The following NBEAL1 variants were observed in gnomAD, a reference collection of about 807,000 sequenced individuals.
NBEAL1 encodes the protein neurobeachin like 1, also known as neurobeachin-like protein 1.
NBEAL1 carries 273 observed loss-of-function variants against 351.3 expected under a neutral mutation model. The observed-to-expected ratio is 0.78, with a 90% confidence interval of 0.70 to 0.86. The LOEUF (loss-of-function observed/expected upper bound fraction) is 0.86. Ranked by LOEUF, NBEAL1 falls within the 40% of genes least tolerant of loss-of-function variation. The probability of loss-of-function intolerance (pLI) is 0.00; values close to 1 mark genes in which losing one functional copy is unlikely to be tolerated. For missense variants in NBEAL1, 2,961 were observed against 3,201.3 expected (o/e 0.92, Z 1.81); for synonymous variants, 1,050 against 1,086.4 (o/e 0.97, Z 0.66).
chr2:203,108,304 A>C (rs891664072), intron 14 of NBEAL1, 116 bp downstream of exon 14: 12 of 762,914 alleles, frequency 1.6e-5, no homozygotes, highest in Non-Finnish European at 2.3e-5. Flanking sequence ...GCTTATCTAA[A>C]GTCTCTTCAT....
chr2:203,028,819 T>G (rs2060902946), intron 2 of NBEAL1, among the ~76,000 whole-genome samples: 1 of 152,118 alleles, frequency 6.6e-6, no homozygotes, highest in Admixed American at 6.5e-5. Flanking sequence ...TTTTAAAAAT[T>G]TATAAATTGT....
intron 51 of NBEAL1, among the ~76,000 whole-genome samples, chr2:203,207,112 C>T (rs1174601956): frequency 3.3e-5 from 5 of 151,692 alleles, no homozygotes; most frequent in South Asian, 2.1e-4. Context: ...CCGGCCGCCC[C>T]GTCTGAGAAG....
chr2:203,041,919 A>G, intron 3 of NBEAL1, 63 bp downstream of exon 3: 1 of 1,044,360 alleles, frequency 9.6e-7, no homozygotes, highest in Non-Finnish European at 1.5e-6. Flanking sequence ...CAAAGATTTC[A>G]TTGATGACAT....
chr2:203,192,963 C>CTTTTTTTTTTTT (rs71408917), intron 46 of NBEAL1, among the ~76,000 whole-genome samples: 15 of 99,334 alleles, frequency 1.5e-4, no homozygotes, highest in African/African-American at 2.7e-4. Context: ...TTCTTTCTTT[C>CTTTTTTTTTTTT]TTTTTTTTTT....
At chr2:203,141,359 TATTATTA>T (rs1243193011) in intron 31 of NBEAL1, among the ~76,000 whole-genome samples, 38 of 69,342 alleles carry the variant, frequency 5.5e-4, no homozygotes, top group African/African-American at 1.9e-3. Flanking sequence ...TTATTATTAT[TATTATTA>T]TTTTTTTTTT....
intron 7 of NBEAL1, 62 bp from the exon 8 acceptor site, chr2:203,077,690 G>GAGATAAATCATACTGTGAA: frequency 1.0e-6 from 1 of 986,962 alleles, no homozygotes; most frequent in South Asian, 2.6e-5. Flanking sequence ...ACATTCCTTA[G>GAGATAAATCATACTGTGAA]AGATAAATCA....
At chr2:203,205,855 G>A (rs1405446062) in intron 51 of NBEAL1, among the ~76,000 whole-genome samples, 1 of 152,164 alleles carries the variant, frequency 6.6e-6, no homozygotes, top group Admixed American at 6.5e-5. Context: ...AGTGCACTAC[G>A]CACTCAGACT....
intron 10 of NBEAL1, among the ~76,000 whole-genome samples, chr2:203,097,283 A>G (rs1373032764): frequency 6.6e-6 from 1 of 152,210 alleles, no homozygotes; most frequent in African/African-American, 2.4e-5. Context: ...ATTCTTTAAG[A>G]ATTTAGGAAT....
rs369937445 is a variant in NBEAL1 at position 203,132,012 on chromosome 2, C to T, written c.3604C>T (p.Arg1202Cys). ...QMLKCTNVYERSKQHIRLREV... is the reference protein window; with the variant it reads ...QMLKCTNVYECSKQHIRLREV... Reference sequence around the variant, plus strand: ...GTTGAAATGCACGAACGTTTATGAGCGTAGTAAACAACATATTCGACTCAG... The same window carrying T: ...GTTGAAATGCACGAACGTTTATGAGTGTAGTAAACAACATATTCGACTCAG... Residue 1202 changes from arginine (R) to cysteine (C), a missense_variant, in exon 26 of 56, where the codon CGT becomes TGT. Arg to Cys is a radical substitution (Grantham distance 180). Transcript: ENST00000683969. 48 of 1,552,248 alleles carry T rather than the reference C, an allele frequency of 3.1e-5. No homozygotes were observed. Among genetic ancestry groups the T allele is most frequent in the Admixed American group, 5.9e-5 (3 of 50,644 alleles).
At chr2:203,140,962 G>GAGTAAGA (rs1343850692) in intron 31 of NBEAL1, among the ~76,000 whole-genome samples, 1 of 151,992 alleles carries the variant, frequency 6.6e-6, no homozygotes, top group East Asian at 1.9e-4. Context: ...CTGGGCAACA[G>GAGTAAGA]AGTAAGACTC....
chr2:203,028,821 A>G (rs1352207334), intron 2 of NBEAL1, among the ~76,000 whole-genome samples: 2 of 152,142 alleles, frequency 1.3e-5, no homozygotes, highest in Admixed American at 6.5e-5. Flanking sequence ...TTAAAAATTT[A>G]TAAATTGTAT....
intron 35 of NBEAL1, among the ~76,000 whole-genome samples, chr2:203,153,429 C>T (rs1249403385): frequency 6.6e-6 from 1 of 151,826 alleles, no homozygotes; most frequent in Non-Finnish European, 1.5e-5. Flanking sequence ...CAGACTTGAG[C>T]CGGCATGGCT....
chr2:203,040,364 C>G, intron 2 of NBEAL1: 1 of 711,712 alleles, frequency 1.4e-6, no homozygotes, highest in Non-Finnish European at 2.5e-6. Context: ...GATAAACATG[C>G]CATGGCCTTT....
At chr2:203,044,342 T>C (rs2061192672) in intron 3 of NBEAL1, among the ~76,000 whole-genome samples, 1 of 152,238 alleles carries the variant, frequency 6.6e-6, no homozygotes, top group Admixed American at 6.5e-5. Context: ...TTATGATTTG[T>C]GCTTAGAAGG....
rs1392370989 is a variant in NBEAL1, at chr2:203,220,634, A to C, written c.*3280A>C. Among the ~76,000 whole-genome samples, 1 of 152,246 alleles carries C rather than the reference A, an allele frequency of 6.6e-6. No individual in the cohort carries two copies. The highest frequency in any genetic ancestry group is 1.5e-5 in the Non-Finnish European group (1 of 68,042). On this transcript the variant is annotated 3_prime_UTR_variant, in exon 56 of 56. Coordinates refer to ENST00000683969, the MANE Select transcript of NBEAL1 (RefSeq NM_001378026.1). Reference sequence around the variant, plus strand: ...ATTTTACTTTTGGAAAATGAGATCAAGTATTAAAACATGTAATAGCTGTGC... The same window carrying C: ...ATTTTACTTTTGGAAAATGAGATCACGTATTAAAACATGTAATAGCTGTGC...
chr2:203,046,494 C>T (rs1353623761), intron 3 of NBEAL1, among the ~76,000 whole-genome samples: 1 of 152,128 alleles, frequency 6.6e-6, no homozygotes, highest in East Asian at 1.9e-4. Flanking sequence ...ACTGGGACTA[C>T]AGGCATGAGC....
intron 41 of NBEAL1, among the ~76,000 whole-genome samples, chr2:203,173,356 C>G (rs979554460): frequency 1.3e-5 from 2 of 152,020 alleles, no homozygotes; most frequent in African/African-American, 4.8e-5. Context: ...ACCCTGTCAA[C>G]TTCTCACAAT....
At chr2:203,172,950 G>C in intron 41 of NBEAL1, 97 bp downstream of exon 41, 1 of 901,554 alleles carries the variant, frequency 1.1e-6, no homozygotes, top group Non-Finnish European at 1.6e-6. Flanking sequence ...TTTTTTTATC[G>C]TACTACTACT....
rs2086833 is a variant in NBEAL1, at chr2:203,116,045, A to G, written c.2567A>G (p.Asn856Ser). 1.4e-5 allele frequency: 22 copies of G among 1,553,642 alleles called. No homozygotes were observed. Among genetic ancestry groups the G allele is most frequent in the Non-Finnish European group, 1.8e-5 (21 of 1,147,350 alleles). ...TCTGACATGGCCGACCTGCCTGGTAACATCCTTCTTTACTACACAGCAAAG... is the reference window on the plus strand; with the variant it reads ...TCTGACATGGCCGACCTGCCTGGTAGCATCCTTCTTTACTACACAGCAAAG... The part of the protein sequence containing the change: ...QESDMADLPG[N>S]ILLYYTAKAC... The change falls in exon 18 of 56, where the codon AAC (asparagine) becomes AGC (serine). Residue 856 changes from asparagine (N) to serine (S), a missense_variant. By Grantham distance (46) the Asn-to-Ser change is conservative. Coordinates refer to ENST00000683969, the MANE Select transcript of NBEAL1 (RefSeq NM_001378026.1).
Sources: allele counts gnomAD v4.1 joint callset (sites outside exome capture counted in the v4.1 genomes callset), GRCh38; gene constraint gnomAD v4.1.1; transcripts MANE v1.5; gene names NCBI Gene and HGNC (gene_info 2026-07-23, HGNC 2026-07-21).